Variants in SLC2A7 observed in about 807,000 individuals in gnomAD.
SLC2A7 encodes the protein solute carrier family 2 member 7.
Under a neutral mutation model 50.5 loss-of-function variants are expected in SLC2A7, and 50 were observed. The observed-to-expected ratio is 0.99, with a 90% CI of 0.79 to 1.25. SLC2A7 has a LOEUF of 1.25. SLC2A7 is among the 50% of genes most tolerant of loss of function. The pLI is 0.00. For synonymous variants in SLC2A7, 308 were observed against 300.4 expected (o/e 1.03, Z -0.26); for missense variants, 683 against 679.1 (o/e 1.01, Z -0.06).
At chr1:9,023,108 G>T (rs778935549) in intron 2 of SLC2A7, 30 bp from the exon 3 acceptor site, 2 of 1,605,714 alleles carry the variant, frequency 1.2e-6, no homozygotes, top group Non-Finnish European at 1.7e-6. Flanking sequence ...CCACAGCTAA[G>T]AATATTGGGC....
chr1:9,024,364 T>C (rs1440413320), intron 2 of SLC2A7, among the ~76,000 whole-genome samples: 1 of 152,220 alleles, frequency 6.6e-6, no homozygotes, highest in Non-Finnish European at 1.5e-5. Flanking sequence ...TATGTATATA[T>C]ACGTAATACA....
intron 6 of SLC2A7, 122 bp from the exon 7 acceptor site, chr1:9,014,990 C>T (rs1039463778): frequency 2.8e-5 from 42 of 1,506,994 alleles, no homozygotes; most frequent in Non-Finnish European, 3.2e-5. Context: ...CAGTTGCCAC[C>T]CCCCCACCCC....
Position 9,007,328 on chromosome 1 carries a change from C to A in SLC2A7, c.1174G>T (p.Gly392Ter). The A allele has an allele frequency of 6.2e-7, 1 of 1,614,212 alleles. No homozygotes were observed. The highest frequency in any genetic ancestry group is 8.5e-7 in the Non-Finnish European group (1 of 1,180,026). Residue 392 changes from glycine (G) to a stop codon, truncating the protein, a stop_gained, in exon 10 of 12, where the codon GGA becomes TGA. Transcript: ENST00000400906. LOFTEE classifies it high-confidence loss of function. ...GIICVFAYIA[G>*]HSIGPSPVPS... ...TACTCACTGGGCCCAATGGAATGTCCCGCGATGTAGGCAAAGACACAGATG... is the reference window on the plus strand; with the variant it reads ...TACTCACTGGGCCCAATGGAATGTCACGCGATGTAGGCAAAGACACAGATG...
the SLC2A7 span, among the ~76,000 whole-genome samples, chr1:8,993,383 G>A: frequency 3.3e-5 from 5 of 152,170 alleles, no homozygotes; most frequent in Non-Finnish European, 5.9e-5. Context: ...GCATTTGTAA[G>A]CACCAGCTTG....
intron 2 of SLC2A7, among the ~76,000 whole-genome samples, chr1:9,024,358 T>C (rs1569812296): frequency 6.6e-6 from 1 of 152,300 alleles, no homozygotes; most frequent in South Asian, 2.1e-4. Flanking sequence ...CTAATATATG[T>C]ATATATACGT....
chr1:8,996,357 C>T, the SLC2A7 span, among the ~76,000 whole-genome samples: 1 of 152,202 alleles, frequency 6.6e-6, no homozygotes, highest in Non-Finnish European at 1.5e-5. Flanking sequence ...GTCAATAGTT[C>T]GTGTCTTTTT....
At chr1:9,007,258 G>A in intron 10 of SLC2A7, 52 bp downstream of exon 10, 3 of 1,593,266 alleles carry the variant, frequency 1.9e-6, no homozygotes, top group Non-Finnish European at 2.6e-6. Context: ...TGTGTGTCAG[G>A]CCCAGGAATG....
intron 8 of SLC2A7, 27 bp from the exon 9 acceptor site, chr1:9,010,271 G>C (rs1330621666): frequency 1.3e-6 from 2 of 1,540,760 alleles, no homozygotes; most frequent in Admixed American, 3.9e-5. Flanking sequence ...ACAGTGAGAA[G>C]CCGCCTTGGC....
At chr1:9,025,600 G>C (rs907121265) in intron 1 of SLC2A7, among the ~76,000 whole-genome samples, 1 of 152,158 alleles carries the variant, frequency 6.6e-6, no homozygotes, top group African/African-American at 2.4e-5. Flanking sequence ...GGATGAGAGG[G>C]AGCAGCTGTG....
rs1193680565 is a variant in SLC2A7, at chr1:9,010,239, GA to G, written c.1019del (p.Val340AlafsTer26). On this transcript the variant is annotated frameshift_variant, in exon 9 of 12. Transcript: ENST00000400906. LOFTEE classifies it high-confidence loss of function. ...VNIVMTITSA[V>X]LVERLGRRHL... is the part of the protein sequence containing the mutation. ...GCCGCCGTCCCAGCCGCTCCACAAG[GA>G]CAGCCTGGAGGGGAAGGGGGACAGT... is the stretch of plus-strand genomic sequence containing the variant. 1.9e-6 allele frequency: 3 copies of G among 1,550,904 alleles called. No homozygotes were observed. Among genetic ancestry groups the G allele is most frequent in the South Asian group, 2.4e-5 (2 of 84,026 alleles).
intron 3 of SLC2A7, among the ~76,000 whole-genome samples, chr1:9,020,689 T>TTGA (rs1640900701): frequency 6.6e-6 from 1 of 150,928 alleles, no homozygotes; most frequent in African/African-American, 2.4e-5. Flanking sequence ...TTTTTTTTTT[T>TTGA]GAGATGGAGT....
intron 11 of SLC2A7, 79 bp from the exon 12 acceptor site, chr1:9,003,597 C>G: frequency 2.3e-6 from 3 of 1,300,282 alleles, no homozygotes; most frequent in Non-Finnish European, 3.3e-6. Flanking sequence ...TTGGCTCATG[C>G]CTGTAATCCC....
At chr1:9,013,316 C>G (rs936948316) in intron 8 of SLC2A7, among the ~76,000 whole-genome samples, 1 of 152,164 alleles carries the variant, frequency 6.6e-6, no homozygotes, top group African/African-American at 2.4e-5. Context: ...AAGTGTGAGC[C>G]GCCGCGCCCG....
rs368435145 is a variant in SLC2A7, at chr1:9,011,842, C to T, written c.1015-1598G>A. ...GTGGCTCACTGCAACCTCCGCCTCC[C>T]GGGTACAAGCAATTCTCCTGCCTCA... On this transcript the variant is annotated intron_variant, in intron 8 of 11. Coordinates refer to ENST00000400906, the MANE Select transcript of SLC2A7 (RefSeq NM_207420.3). 2.5e-4 allele frequency among the ~76,000 whole-genome samples: 38 copies of T among 150,860 alleles called. No homozygotes were observed. The East Asian group carries it at 5.1e-3, about 20-fold the overall frequency.
the SLC2A7 span, among the ~76,000 whole-genome samples, chr1:8,996,015 G>A: frequency 6.6e-6 from 1 of 152,134 alleles, no homozygotes; most frequent in African/African-American, 2.4e-5. Flanking sequence ...TGATCTGCCT[G>A]CCTTGGCCTC....
intron 2 of SLC2A7, among the ~76,000 whole-genome samples, chr1:9,023,871 T>C (rs1640955819): frequency 8.7e-6 from 1 of 115,164 alleles, no homozygotes; most frequent in Non-Finnish European, 1.7e-5. Flanking sequence ...TTTTTTTTTT[T>C]TTGAGATGAA....
intron 10 of SLC2A7, 78 bp downstream of exon 10, chr1:9,007,232 T>C (rs1640665694): frequency 2.0e-6 from 3 of 1,508,750 alleles, no homozygotes; most frequent in South Asian, 2.3e-5. Context: ...TCAGCAAATA[T>C]GTGTCGAGCA....
At chr1:9,019,699 G>T (rs1301314214) in intron 3 of SLC2A7, among the ~76,000 whole-genome samples, 1 of 152,142 alleles carries the variant, frequency 6.6e-6, no homozygotes, top group Middle Eastern at 3.2e-3. Flanking sequence ...TGAGGTGGGC[G>T]GATCACTTGA....
chr1:9,014,777 C>A lies in SLC2A7; in HGVS notation c.807G>T (p.Leu269=). 3 of 1,598,982 alleles carry A rather than the reference C, an allele frequency of 1.9e-6. No homozygotes were observed. Among genetic ancestry groups the A allele is most frequent in the African/African-American group, 1.3e-5 (1 of 74,850 alleles). The change falls in exon 7 of 12, where the codon CTG becomes CTT. Residue 269 remains leucine, a synonymous_variant. Coordinates refer to ENST00000400906, the MANE Select transcript of SLC2A7 (RefSeq NM_207420.3). Reference sequence around the variant, plus strand: ...GCAGGGCACAGAGGTGCAGCACAGACAGGTGGCCCTCGGCGCGCTCGGCCC... The same window carrying A: ...GCAGGGCACAGAGGTGCAGCACAGAAAGGTGGCCCTCGGCGCGCTCGGCCC... ...EARAERAEGH[L]SVLHLCALRS...
Sources: allele counts gnomAD v4.1 joint callset (sites outside exome capture counted in the v4.1 genomes callset), GRCh38; gene constraint gnomAD v4.1.1; transcripts MANE v1.5; gene names NCBI Gene and HGNC (gene_info 2026-07-23, HGNC 2026-07-21).